F11R: variants seen among roughly 807,000 people sequenced by gnomAD.
F11R encodes F11 receptor.
In F11R, 27 loss-of-function variants were observed where a neutral mutation model predicts 39.3. That is an observed-to-expected ratio of 0.69 (90% CI 0.51 to 0.95). The LOEUF is 0.95. Ranked by LOEUF, F11R falls within the 40% of genes least tolerant of loss-of-function variation. The pLI, the probability that F11R is intolerant of heterozygous loss-of-function variation, is 0.00. For synonymous variants in F11R, 131 were observed against 144.9 expected (o/e 0.90, Z 0.69); for missense variants, 335 against 372.7 (o/e 0.90, Z 0.83).
chr1:161,003,913 C>T (rs542892300), intron 1 of F11R, among the ~76,000 whole-genome samples: 51 of 151,590 alleles, frequency 3.4e-4, no homozygotes, highest in Admixed American at 1.8e-3. Flanking sequence ...TACAGGCAGG[C>T]GCCACCATGC....
chr1:161,012,919 C>A (rs1221415600), intron 1 of F11R, among the ~76,000 whole-genome samples: 1 of 152,064 alleles, frequency 6.6e-6, no homozygotes, highest in Non-Finnish European at 1.5e-5. Flanking sequence ...GCCACTGCAC[C>A]CGGCCGATTT....
At chr1:161,005,691 A>C (rs1648764502) in intron 1 of F11R, among the ~76,000 whole-genome samples, 1 of 151,728 alleles carries the variant, frequency 6.6e-6, no homozygotes, top group East Asian at 1.9e-4. Context: ...TAACTTTTAC[A>C]ATTTTTTTGT....
At chr1:161,017,758 C>T (rs1649544488) in intron 1 of F11R, among the ~76,000 whole-genome samples, 1 of 152,184 alleles carries the variant, frequency 6.6e-6, no homozygotes, top group South Asian at 2.1e-4. Flanking sequence ...TCTCGTTCCA[C>T]CTTACGAGAA....
rs1386656582 is a variant in F11R at position 160,997,751 on chromosome 1, A to AAATACAATCTCACCAAAGAGCT, written c.*1098_*1119dup. On this transcript the variant is annotated 3_prime_UTR_variant, in exon 10 of 10. Coordinates refer to ENST00000368026, the MANE Select transcript of F11R (RefSeq NM_016946.6). The stretch of plus-strand genomic sequence containing the variant: ...ACATTCAGCTGATACAAACACATAG[A>AAATACAATCTCACCAAAGAGCT]AATACAATCTCACCAAAGAGCTAAG... 3 of 152,832 alleles carry AAATACAATCTCACCAAAGAGCT rather than the reference A, an allele frequency of 2.0e-5. No individual in the cohort carries two copies. The highest frequency in any genetic ancestry group is 7.2e-5 in the African/African-American group (3 of 41,436). The allele number at this position is 152,832 out of a possible 1,614,324, so 9.5% of individuals were successfully genotyped here. A position where few individuals can be genotyped will look rare whatever the true frequency, so the allele number is the denominator to read the frequency against.
chr1:161,005,036 C>T (rs185450110), intron 1 of F11R, among the ~76,000 whole-genome samples: 204 of 151,708 alleles, frequency 1.3e-3, no homozygotes, highest in African/African-American at 4.7e-3. Context: ...TGGCACTAGC[C>T]TGTAATCCCA....
Position 160,998,763 on chromosome 1 carries a change from G to T in F11R, c.*108C>A. On this transcript the variant is annotated 3_prime_UTR_variant, in exon 10 of 10. Coordinates refer to ENST00000368026, the MANE Select transcript of F11R (RefSeq NM_016946.6). ...CCGAAGAAGTAGGGGGCCCTGTGGG[G>T]TGTAGAAGACAAATAAGGCATCCTG... is the stretch of plus-strand genomic sequence containing the variant. The T allele has an allele frequency of 9.4e-7, 1 of 1,064,540 alleles. No homozygotes were observed. Among genetic ancestry groups the T allele is most frequent in the Non-Finnish European group, 1.5e-6 (1 of 689,158 alleles). 65.9% of individuals were successfully genotyped at this position (1,064,540 alleles called of 1,614,324 possible). A position where few individuals can be genotyped will look rare whatever the true frequency, so the allele number is the denominator to read the frequency against.
intron 1 of F11R, among the ~76,000 whole-genome samples, chr1:161,010,076 A>G (rs938606924): frequency 6.7e-6 from 1 of 149,358 alleles, no homozygotes; most frequent in South Asian, 2.1e-4. Context: ...AAAAAAACCT[A>G]TGAGACAAGT....
intron 8 of F11R, 74 bp from the exon 9 acceptor site, chr1:160,999,165 G>C: frequency 1.9e-6 from 3 of 1,597,106 alleles, no homozygotes; most frequent in Non-Finnish European, 2.6e-6. Flanking sequence ...AACTTTAAAG[G>C]CCAGAAGCGA....
intron 1 of F11R, among the ~76,000 whole-genome samples, chr1:161,002,187 G>A (rs529552176): frequency 2.6e-5 from 4 of 151,326 alleles, no homozygotes; most frequent in South Asian, 2.1e-4. Context: ...GCTTGAACCC[G>A]GGAGGCGGAG....
chr1:161,012,734 C>T (rs548862247), intron 1 of F11R, among the ~76,000 whole-genome samples: 1 of 152,010 alleles, frequency 6.6e-6, no homozygotes, highest in African/African-American at 2.4e-5. Context: ...AAGCAATTCT[C>T]CTGCCTCAGC....
intron 1 of F11R, among the ~76,000 whole-genome samples, chr1:161,003,465 G>A (rs1027385959): frequency 2.6e-5 from 4 of 152,104 alleles, no homozygotes; most frequent in Admixed American, 1.3e-4. Flanking sequence ...GTTTCACCAC[G>A]TTGGCCAGGC....
At chr1:161,018,110 G>A (rs1649563771) in intron 1 of F11R, among the ~76,000 whole-genome samples, 1 of 152,216 alleles carries the variant, frequency 6.6e-6, no homozygotes, top group South Asian at 2.1e-4. Context: ...CTTTTCTAAG[G>A]GACAGGTTCC....
At chr1:161,002,261 C>CAAAAAAAAAAA (rs34007325) in intron 1 of F11R, among the ~76,000 whole-genome samples, 1 of 68,668 alleles carries the variant, frequency 1.5e-5, no homozygotes, top group Non-Finnish European at 2.8e-5. Context: ...GACTCAATCT[C>CAAAAAAAAAAA]AAAAAAAAAA....
Position 160,999,751 on chromosome 1 carries a change from C to A in F11R, c.695-4G>T, listed in dbSNP as rs775037326. Reference sequence around the variant, plus strand: ...ATGACCCCCACATTCCGCTCCACTGCGAGACACAAATAAGAAGTCAGGCAC... The same window carrying A: ...ATGACCCCCACATTCCGCTCCACTGAGAGACACAAATAAGAAGTCAGGCAC... On this transcript the variant is annotated splice_polypyrimidine_tract_variant and splice_region_variant and intron_variant, in intron 6 of 9. Transcript: ENST00000368026. The A allele has an allele frequency of 1.1e-5, 18 of 1,613,916 alleles. No individual in the cohort carries two copies. Among genetic ancestry groups the A allele is most frequent in the Non-Finnish European group, 9.3e-6 (11 of 1,179,800 alleles).
intron 1 of F11R, among the ~76,000 whole-genome samples, chr1:161,010,273 G>A (rs774729453): frequency 1.1e-4 from 16 of 151,480 alleles, no homozygotes; most frequent in East Asian, 1.9e-4. Flanking sequence ...GTGAAACCCC[G>A]TCTCTACTAA....
intron 1 of F11R, among the ~76,000 whole-genome samples, chr1:161,013,053 C>A (rs76922739): frequency 1.6e-3 from 247 of 151,894 alleles, no homozygotes; most frequent in African/African-American, 5.4e-3. Flanking sequence ...AGCAAAGTAC[C>A]CAAAAGGTAG....
At chr1:160,999,591 C>T in intron 7 of F11R, 49 bp downstream of exon 7, 2 of 1,569,422 alleles carry the variant, frequency 1.3e-6, no homozygotes, top group South Asian at 2.2e-5. Flanking sequence ...CATGCCAGGC[C>T]CTGGGATGGG....
At chr1:161,020,227 A>C (rs1290875400) in intron 1 of F11R, among the ~76,000 whole-genome samples, 1 of 152,152 alleles carries the variant, frequency 6.6e-6, no homozygotes, top group Non-Finnish European at 1.5e-5. Context: ...TTTACAAAGG[A>C]AACAAAAACT....
upstream of F11R, chr1:161,021,152 T>TGAGA: frequency 7.2e-7 from 1 of 1,384,108 alleles, no homozygotes; most frequent in Admixed American, 1.7e-5. Context: ...GCGAGGGGAC[T>TGAGA]GAGAGCCAGC....
Sources: gnomAD v4.1 joint callset for allele counts (sites outside exome capture counted in the v4.1 genomes callset) on GRCh38, gnomAD v4.1.1 for gene constraint, MANE v1.5 for transcripts, NCBI Gene and HGNC (gene_info 2026-07-23, HGNC 2026-07-21) for gene names.